The following COL19A1 variants were observed in gnomAD, a reference collection of about 807,000 sequenced individuals.
COL19A1 encodes the protein collagen alpha-1(XIX) chain.
Under a neutral mutation model 190.2 loss-of-function variants are expected in COL19A1, and 159 were observed. The observed-to-expected ratio is 0.84, with a 90% CI of 0.73 to 0.95. The LOEUF is 0.95. COL19A1 is among the 40% of genes least tolerant of loss of function. The pLI, the probability that COL19A1 is intolerant of heterozygous loss-of-function variation, is 0.00. For synonymous variants in COL19A1, 509 were observed against 458.9 expected, an observed-to-expected ratio of 1.11 and a Z score of -1.39; for missense variants, 1,418 against 1,431.9, an observed-to-expected ratio of 0.99 and a Z score of 0.16.
chr6:70,133,755 A>C (rs182072521), intron 18 of COL19A1, among the ~76,000 whole-genome samples: 1 of 152,202 alleles, frequency 6.6e-6, no homozygotes, highest in South Asian at 2.1e-4. Context: ...CTCTACAGTG[A>C]TAAATCACTG....
chr6:69,889,001 TA>T (rs948924760), intron 2 of COL19A1, among the ~76,000 whole-genome samples: 14 of 152,216 alleles, frequency 9.2e-5, no homozygotes, highest in African/African-American at 3.4e-4. Context: ...AAAGAGCCTT[TA>T]TTTTTTTAAG....
At chr6:70,017,566 A>T (rs2150099215) in intron 11 of COL19A1, among the ~76,000 whole-genome samples, 1 of 152,316 alleles carries the variant, frequency 6.6e-6, no homozygotes, top group East Asian at 1.9e-4. Flanking sequence ...TAGCATATAG[A>T]TGATCATTGT....
chr6:70,199,071 T>C (rs1767389159), intron 48 of COL19A1, among the ~76,000 whole-genome samples: 1 of 152,232 alleles, frequency 6.6e-6, no homozygotes, highest in Non-Finnish European at 1.5e-5. Context: ...CGATGTCTTT[T>C]ATGACCTCAT....
intron 15 of COL19A1, among the ~76,000 whole-genome samples, chr6:70,076,271 A>G (rs1038828040): frequency 2.0e-5 from 3 of 152,220 alleles, no homozygotes; most frequent in African/African-American, 4.8e-5. Flanking sequence ...AGGGCTATTT[A>G]TTCTAACTGT....
chr6:70,164,041 C>T (rs1787979491), intron 36 of COL19A1, among the ~76,000 whole-genome samples: 1 of 152,146 alleles, frequency 6.6e-6, no homozygotes, highest in South Asian at 2.1e-4. Flanking sequence ...CCAAAAGCTC[C>T]AGACAGCAGA....
intron 39 of COL19A1, 92 bp downstream of exon 39, chr6:70,168,307 G>T (rs151145817): frequency 1.5e-6 from 2 of 1,367,962 alleles, no homozygotes; most frequent in Non-Finnish European, 2.0e-6. Context: ...ACTGAAAAAC[G>T]CATGTTATGA....
At chr6:70,016,826 C>T (rs1778137926) in intron 11 of COL19A1, among the ~76,000 whole-genome samples, 1 of 152,070 alleles carries the variant, frequency 6.6e-6, no homozygotes, top group East Asian at 1.9e-4. Context: ...AAATACTATA[C>T]ATCCACTAAA....
At position 70,208,061 on chromosome 6, in the gene COL19A1, T is replaced by G. The variant is rs1768001766; in HGVS notation, c.*787T>G. 6.6e-6 allele frequency: 1 copy of G among 152,152 alleles called. No individual in the cohort carries two copies. Among genetic ancestry groups the G allele is most frequent in the African/African-American group, 2.4e-5 (1 of 41,430 alleles). 9.4% of individuals were successfully genotyped at this position (152,152 alleles called of 1,614,324 possible). The stretch of plus-strand genomic sequence containing the variant: ...GCAAAAAAAGCCTAATATTCTGTGG[T>G]CCCCTCACTCAGTCTCTCATTTGGT... On this transcript the variant is annotated 3_prime_UTR_variant, in exon 51 of 51. Transcript: ENST00000620364.
chr6:70,191,256 T>C (rs1766855032), intron 48 of COL19A1, among the ~76,000 whole-genome samples: 1 of 152,238 alleles, frequency 6.6e-6, no homozygotes, highest in African/African-American at 2.4e-5. Context: ...GCCCTGGATC[T>C]TCCTTATAAA....
intron 4 of COL19A1, among the ~76,000 whole-genome samples, chr6:69,923,695 T>C (rs994586566): frequency 6.6e-6 from 1 of 152,146 alleles, no homozygotes; most frequent in Non-Finnish European, 1.5e-5. Flanking sequence ...TCCAGACACA[T>C]ATTTCTATGT....
At chr6:70,023,548 C>G in intron 11 of COL19A1, 79 bp from the exon 12 acceptor site, 1 of 1,176,028 alleles carries the variant, frequency 8.5e-7, no homozygotes, top group Non-Finnish European at 1.2e-6. Flanking sequence ...TATAAATACC[C>G]AACCAACATA....
At chr6:70,038,156 G>A (rs998797931) in intron 14 of COL19A1, among the ~76,000 whole-genome samples, 5 of 152,152 alleles carry the variant, frequency 3.3e-5, no homozygotes, top group African/African-American at 1.2e-4. Flanking sequence ...ATGACTAACT[G>A]CGTTATATTT....
chr6:69,993,505 T>C (rs1306030648), intron 11 of COL19A1, among the ~76,000 whole-genome samples: 1 of 152,116 alleles, frequency 6.6e-6, no homozygotes, highest in East Asian at 1.9e-4. Flanking sequence ...TCCACCTTAG[T>C]TTTTTGAAGT....
At chr6:70,041,567 G>A (rs1779634693) in intron 14 of COL19A1, among the ~76,000 whole-genome samples, 1 of 151,996 alleles carries the variant, frequency 6.6e-6, no homozygotes, top group African/African-American at 2.4e-5. Context: ...TCGTACATAA[G>A]GGAACTGAGG....
chr6:69,992,683 C>G (rs909374663), intron 11 of COL19A1, among the ~76,000 whole-genome samples: 1 of 151,672 alleles, frequency 6.6e-6, no homozygotes, highest in Admixed American at 6.6e-5. Flanking sequence ...CCTGGTTGGC[C>G]CTATTCCCAG....
At position 69,977,589 on chromosome 6, in the gene COL19A1, A is replaced by G. The variant is rs114460696; in HGVS notation, c.1026+14719A>G. Among the ~76,000 whole-genome samples the G allele has an allele frequency of 3.0e-3, 464 of 152,288 alleles. 2 individuals are homozygous for G. Among genetic ancestry groups the G allele is most frequent in the African/African-American group, 9.6e-3 (399 of 41,562 alleles). ...GTATAATAATAATAAACTTAAAAAAAAAAAAGAAAGGTTCAGGCTGGCTTA... is the reference window on the plus strand; with the variant it reads ...GTATAATAATAATAAACTTAAAAAAGAAAAAGAAAGGTTCAGGCTGGCTTA... On this transcript the variant is annotated intron_variant, in intron 11 of 50. Transcript: ENST00000620364.
At chr6:69,925,598 A>T (rs1199358079) in intron 4 of COL19A1, among the ~76,000 whole-genome samples, 1 of 152,156 alleles carries the variant, frequency 6.6e-6, no homozygotes, top group African/African-American at 2.4e-5. Context: ...TGAACTTTAA[A>T]GTAGTTTTTT....
At chr6:70,034,812 G>A (rs1030724310) in intron 13 of COL19A1, among the ~76,000 whole-genome samples, 15 of 152,172 alleles carry the variant, frequency 9.9e-5, no homozygotes, top group African/African-American at 3.1e-4. Context: ...AAGTAGTTGG[G>A]TGATCCCAGT....
chr6:69,941,832 G>C (rs1773486933), intron 9 of COL19A1, among the ~76,000 whole-genome samples: 1 of 151,924 alleles, frequency 6.6e-6, no homozygotes, highest in Non-Finnish European at 1.5e-5. Context: ...GAGATTACAG[G>C]CACCCGCCAT....
Sources: gnomAD v4.1 joint callset for allele counts (sites outside exome capture counted in the v4.1 genomes callset) on GRCh38, gnomAD v4.1.1 for gene constraint, MANE v1.5 for transcripts, NCBI Gene and HGNC (gene_info 2026-07-23, HGNC 2026-07-21) for gene names.